Variants in BRWD1 observed in about 807,000 individuals in gnomAD.
BRWD1 encodes bromodomain and WD repeat domain containing 1.
Under a neutral mutation model 251.2 loss-of-function variants are expected in BRWD1, and 82 were observed. That is an observed-to-expected ratio of 0.33 (90% CI 0.27 to 0.39). BRWD1 has a LOEUF of 0.39. Among genes scored for constraint, BRWD1 ranks in the 10% least tolerant of loss-of-function variants. BRWD1 has a pLI of 1.00. For synonymous variants in BRWD1, 918 were observed against 902.8 expected (o/e 1.02, Z -0.30); for missense variants, 2,233 against 2,711.6 (o/e 0.82, Z 3.92).
intron 27 of BRWD1, among the ~76,000 whole-genome samples, chr21:39,227,296 G>C (rs2033421910): frequency 6.6e-6 from 1 of 152,138 alleles, no homozygotes; most frequent in African/African-American, 2.4e-5. Context: ...ACTGATAAAA[G>C]AACGAACCAT....
chr21:39,306,215 G>A (rs146594989), intron 4 of BRWD1, among the ~76,000 whole-genome samples: 2,303 of 151,530 alleles, frequency 0.015, 57 homozygotes, highest in African/African-American at 0.053. Context: ...GACTACAGGC[G>A]CCCGCCACCA....
intron 21 of BRWD1, among the ~76,000 whole-genome samples, chr21:39,240,337 T>C (rs145330909): frequency 6.6e-6 from 1 of 152,278 alleles, no homozygotes; most frequent in East Asian, 1.9e-4. Flanking sequence ...TATAAATTTG[T>C]TAAAAAATTA....
At chr21:39,263,309 A>G (rs547523218) in intron 17 of BRWD1, among the ~76,000 whole-genome samples, 5 of 152,308 alleles carry the variant, frequency 3.3e-5, no homozygotes, top group African/African-American at 1.2e-4. Flanking sequence ...TTTTTTCTTT[A>G]ACATCTGTAG....
chr21:39,320,509 A>G (rs1407163474), intron 1 of BRWD1, among the ~76,000 whole-genome samples: 1 of 151,602 alleles, frequency 6.6e-6, no homozygotes, highest in African/African-American at 2.4e-5. Context: ...TAGTTTTTGC[A>G]TTTTTTCTAC....
chr21:39,208,738 T>A (rs2032527554), intron 36 of BRWD1, among the ~76,000 whole-genome samples: 1 of 152,020 alleles, frequency 6.6e-6, no homozygotes. Context: ...CGGGCTAATT[T>A]TTTTATCTCT....
In BRWD1 at chr21:39,188,590, G is replaced by A. The variant is rs1181066520; in HGVS notation, c.*7669C>T. ...ACAAAGCTGACTGAAGGGCAGATGA[G>A]TACAGGTAAAAACTGCTTCTGTGGA... is the stretch of plus-strand genomic sequence containing the variant. On this transcript the variant is annotated 3_prime_UTR_variant, in exon 41 of 41. Coordinates refer to ENST00000342449, the MANE Select transcript of BRWD1 (RefSeq NM_033656.4). 1.5e-5 allele frequency: 15 copies of A among 985,270 alleles called. No homozygotes were observed. Among genetic ancestry groups the A allele is most frequent in the Non-Finnish European group, 1.8e-5 (15 of 829,912 alleles). 61.0% of individuals were successfully genotyped at this position (985,270 alleles called of 1,614,324 possible). A position where few individuals can be genotyped will look rare whatever the true frequency, so the allele number is the denominator to read the frequency against.
chr21:39,273,199 T>C, intron 13 of BRWD1, among the ~76,000 whole-genome samples: 1 of 152,220 alleles, frequency 6.6e-6, no homozygotes, highest in East Asian at 1.9e-4. Context: ...TTTTCCTTAA[T>C]AAAACAATAA....
Position 39,193,984 on chromosome 21 carries a change from G to A in BRWD1, c.*2275C>T. The A allele has an allele frequency of 1.0e-6, 1 of 985,518 alleles. No individual in the cohort carries two copies. The highest frequency in any genetic ancestry group is 1.7e-5 in the African/African-American group (1 of 57,288). 61.0% of individuals were successfully genotyped at this position (985,518 alleles called of 1,614,324 possible). ...CTCTCAGTTTTATTTCATAACTTGAGAAGCTACCATTGTCGGCTATGCTTT... is the reference window on the plus strand; with the variant it reads ...CTCTCAGTTTTATTTCATAACTTGAAAAGCTACCATTGTCGGCTATGCTTT... On this transcript the variant is annotated 3_prime_UTR_variant, in exon 41 of 41. Transcript: ENST00000342449.
At chr21:39,185,295 T>TAAGAAAAAAAAAAAAA (rs2031155096), downstream of BRWD1, 6 of 71,838 alleles carry the variant, frequency 8.4e-5, no homozygotes, top group Non-Finnish European at 1.4e-4. Context: ...CTGAAATTGC[T>TAAGAAAAAAAAAAAAA]AAAAAAAAAA....
chr21:39,220,731 G>A (rs2033143873), intron 29 of BRWD1, among the ~76,000 whole-genome samples: 1 of 152,086 alleles, frequency 6.6e-6, no homozygotes, highest in South Asian at 2.1e-4. Context: ...ATAAATGGAA[G>A]ACATGAAACA....
At chr21:39,301,987 T>TTG (rs913555829) in intron 4 of BRWD1, among the ~76,000 whole-genome samples, 4 of 135,284 alleles carry the variant, frequency 3.0e-5, no homozygotes, top group Admixed American at 7.3e-5. Context: ...TGTTTTTTTT[T>TTG]TTTTTTTTTT....
intron 8 of BRWD1, among the ~76,000 whole-genome samples, chr21:39,287,584 A>G (rs1049705249): frequency 6.6e-6 from 1 of 152,076 alleles, no homozygotes; most frequent in African/African-American, 2.4e-5. Flanking sequence ...TATCTGAAGG[A>G]TATGTAGTGA....
chr21:39,280,509 T>C (rs1324762191), intron 8 of BRWD1, among the ~76,000 whole-genome samples: 2 of 152,098 alleles, frequency 1.3e-5, no homozygotes, highest in Non-Finnish European at 2.9e-5. Flanking sequence ...TCCTACTAGA[T>C]ATTAAAGCAT....
chr21:39,238,516 T>C lies in BRWD1; in HGVS notation c.2539A>G (p.Ser847Gly). ...SGSSEEDEWR[S>G]DRKSESYSES... ...CTGTAACTCTCACTTTTTCTGTCAC[T>C]TCTCCATTCATCCTCTTCTGAAGAA... is the stretch of plus-strand genomic sequence containing the variant. Residue 847 changes from serine (S) to glycine (G), a missense_variant, in exon 22 of 41, where the codon AGT (serine) becomes GGT (glycine). Around this residue, in one of 12 missense-constraint regions of BRWD1, gnomAD observed 214 missense variants for 222.0 expected, o/e 0.96. Coordinates refer to ENST00000342449, the MANE Select transcript of BRWD1 (RefSeq NM_033656.4). The C allele has an allele frequency of 6.2e-7, 1 of 1,613,690 alleles. No individual in the cohort carries two copies. The highest frequency in any genetic ancestry group is 8.5e-7 in the Non-Finnish European group (1 of 1,179,778).
In BRWD1 at chr21:39,232,380, C is replaced by T; in HGVS notation, c.2885G>A (p.Gly962Asp). The change falls in exon 24 of 41, where the codon GGT becomes GAT. Residue 962 changes from glycine to aspartate, a missense_variant. Gly to Asp is a moderately conservative substitution (Grantham distance 94). Around this residue, in one of 12 missense-constraint regions of BRWD1, gnomAD observed 139 missense variants for 272.8 expected, o/e 0.51. Transcript: ENST00000342449. Reference sequence around the variant, plus strand: ...AATTTGTATTACTCTCACCTCATCACCCATTTGAGGAACAAAAGGAGATTT... The same window carrying T: ...AATTTGTATTACTCTCACCTCATCATCCATTTGAGGAACAAAAGGAGATTT... The part of the protein sequence containing the change: ...LRKSPFVPQM[G>D]DEVIYFRQGH... 4 of 1,592,924 alleles carry T rather than the reference C, an allele frequency of 2.5e-6. No homozygotes were observed. The highest frequency in any genetic ancestry group is 3.4e-6 in the Non-Finnish European group (4 of 1,174,454).
Position 39,312,913 on chromosome 21 carries a change from G to A in BRWD1, c.139-13C>T, listed in dbSNP as rs1175233195. 2.1e-6 allele frequency: 3 copies of A among 1,418,450 alleles called. No individual in the cohort carries two copies. The highest frequency in any genetic ancestry group is 2.8e-6 in the Non-Finnish European group (3 of 1,063,510). The allele number at this position is 1,418,450 out of a possible 1,614,324, so 87.9% of individuals were successfully genotyped here. A position where few individuals can be genotyped will look rare whatever the true frequency, so the allele number is the denominator to read the frequency against. On this transcript the variant is annotated splice_polypyrimidine_tract_variant and intron_variant, in intron 3 of 40. Transcript: ENST00000342449. ...TCTTCGGCAACAACTGGAAAGACAC[G>A]AAACGCACACGAGTGACCACCCCTC...
At chr21:39,260,206 A>G (rs973905271) in intron 17 of BRWD1, among the ~76,000 whole-genome samples, 1 of 152,228 alleles carries the variant, frequency 6.6e-6, no homozygotes, top group African/African-American at 2.4e-5. Flanking sequence ...TTATAACACA[A>G]AATTCCTAAG....
intron 25 of BRWD1, among the ~76,000 whole-genome samples, chr21:39,231,772 T>C (rs932533373): frequency 1.3e-5 from 2 of 152,216 alleles, no homozygotes; most frequent in Non-Finnish European, 2.9e-5. Flanking sequence ...TGGCTAAGTA[T>C]TGAAAAGGAA....
chr21:39,316,861 C>CG (rs144266291), upstream of BRWD1, among the ~76,000 whole-genome samples: 39,844 of 151,814 alleles, frequency 0.26, 5,562 homozygotes, highest in Non-Finnish European at 0.31. Flanking sequence ...TGGCTAGAGC[C>CG]GGGGGGGATT....
Sources: allele counts gnomAD v4.1 joint callset (sites outside exome capture counted in the v4.1 genomes callset), GRCh38; gene constraint gnomAD v4.1.1; regional missense constraint gnomAD v4.1.1; transcripts MANE v1.5; gene names NCBI Gene and HGNC (gene_info 2026-07-23, HGNC 2026-07-21).